The following PTPRF variants were observed in gnomAD, a reference collection of about 807,000 sequenced individuals.
PTPRF encodes the protein protein tyrosine phosphatase receptor type F, also known as receptor-type tyrosine-protein phosphatase F.
In PTPRF, 59 loss-of-function variants were observed where a neutral mutation model predicts 201.8. That is an observed-to-expected ratio of 0.29 (90% CI 0.24 to 0.36). The LOEUF is 0.36. Ranked by LOEUF, PTPRF falls within the 10% of genes least tolerant of loss-of-function variation. PTPRF has a pLI of 1.00. For synonymous variants in PTPRF, 1,088 were observed against 1,089.7 expected (o/e 1.00, Z 0.03); for missense variants, 2,132 against 2,690.5 (o/e 0.79, Z 4.59).
chr1:43,570,414 G>A (rs1887402), intron 6 of PTPRF, among the ~76,000 whole-genome samples: 47,948 of 152,228 alleles, frequency 0.31, 7,925 homozygotes, highest in Non-Finnish European at 0.37. Context: ...CAGAGCAGGC[G>A]GGAAAAGAGG....
At position 43,619,123 on chromosome 1, in the gene PTPRF, C is replaced by A; in HGVS notation, c.4567C>A (p.Pro1523Thr). Residue 1523 changes from proline to threonine, a missense_variant, in exon 27 of 34, where the codon CCA (proline) becomes ACA (threonine). By Grantham distance (38) the Pro-to-Thr change is conservative. Transcript: ENST00000359947. ...GCCAGACCATGGAGTTCCTGAGTAC[C>A]CAACTCCCATCCTGGCCTTCCTACG... ...AWPDHGVPEY[P>T]TPILAFLRRV... is the part of the protein sequence containing the mutation. The A allele has an allele frequency of 6.2e-7, 1 of 1,613,926 alleles. No individual in the cohort carries two copies. Among genetic ancestry groups the A allele is most frequent in the Non-Finnish European group, 8.5e-7 (1 of 1,179,958 alleles).
upstream of PTPRF, among the ~76,000 whole-genome samples, chr1:43,525,879 C>A (rs1335275724): frequency 1.4e-5 from 2 of 143,952 alleles, no homozygotes; most frequent in African/African-American, 5.2e-5. Context: ...GGTTGGGGAG[C>A]GAGCAGGAGA....
At position 43,622,143 on chromosome 1, in the gene PTPRF, T is replaced by G; in HGVS notation, c.*140T>G. The G allele has an allele frequency of 1.1e-6, 1 of 884,788 alleles. No homozygotes were observed. The highest frequency in any genetic ancestry group is 1.8e-6 in the Non-Finnish European group (1 of 565,046). 54.8% of individuals were successfully genotyped at this position (884,788 alleles called of 1,614,324 possible). On this transcript the variant is annotated 3_prime_UTR_variant, in exon 34 of 34. Transcript: ENST00000359947. The stretch of plus-strand genomic sequence containing the variant: ...AGCACAGCCCACGGGGATCACAGCG[T>G]TTCAGGAACGTTGCCACACCAATCA...
rs139338211 is a variant in PTPRF, at chr1:43,556,906, G to T, written c.379+2965G>T. ...ATGCAGCTCCACTGCCTGCTCCCAC[G>T]GGGGGACATACCTGTGCAATAGGAA... On this transcript the variant is annotated intron_variant, in intron 5 of 33. Coordinates refer to ENST00000359947, the MANE Select transcript of PTPRF (RefSeq NM_002840.5). Among the ~76,000 whole-genome samples the T allele has an allele frequency of 7.1e-3, 1,082 of 152,314 alleles. 10 individuals carry two copies. Among genetic ancestry groups the T allele is most frequent in the African/African-American group, 0.025 (1,035 of 41,560 alleles).
At chr1:43,583,932 C>G (rs1648430455) in intron 7 of PTPRF, among the ~76,000 whole-genome samples, 1 of 152,182 alleles carries the variant, frequency 6.6e-6, no homozygotes, top group South Asian at 2.1e-4. Flanking sequence ...CATTCAGACT[C>G]AAGTTGCTTC....
At chr1:43,615,817 T>C (rs1006674333) in intron 23 of PTPRF, among the ~76,000 whole-genome samples, 4 of 152,016 alleles carry the variant, frequency 2.6e-5, no homozygotes, top group Non-Finnish European at 4.4e-5. Context: ...CCGCCCACCT[T>C]GGCCTCCCAA....
At chr1:43,616,055 C>CAA (rs1395913106) in intron 23 of PTPRF, among the ~76,000 whole-genome samples, 1 of 151,924 alleles carries the variant, frequency 6.6e-6, no homozygotes, top group Non-Finnish European at 1.5e-5. Flanking sequence ...GACAGGCGTG[C>CAA]AAAAGGTGGG....
intron 6 of PTPRF, among the ~76,000 whole-genome samples, chr1:43,576,335 G>A (rs532861572): frequency 3.9e-5 from 6 of 152,290 alleles, no homozygotes; most frequent in Admixed American, 3.3e-4. Context: ...GTCTCTTTTG[G>A]GGGGACCTCA....
Position 43,592,567 on chromosome 1 carries a change from C to T in PTPRF, c.1779C>T (p.Phe593=), listed in dbSNP as rs769358679. ...AARSDMGVGV[F]TPTIEARTAQ... ...GCTCGGATATGGGGGTGGGCGTCTT[C>T]ACCCCCACCATTGAGGCCCGCACAG... The change falls in exon 11 of 34, where the codon TTC becomes TTT. Residue 593 remains phenylalanine (F), a synonymous_variant. Coordinates refer to ENST00000359947, the MANE Select transcript of PTPRF (RefSeq NM_002840.5). The T allele has an allele frequency of 6.2e-7, 1 of 1,607,818 alleles. No homozygotes were observed. Among genetic ancestry groups the T allele is most frequent in the Non-Finnish European group, 8.5e-7 (1 of 1,177,772 alleles).
upstream of PTPRF, among the ~76,000 whole-genome samples, chr1:43,529,708 C>T (rs1643288360): frequency 6.6e-6 from 1 of 151,750 alleles, no homozygotes; most frequent in African/African-American, 2.4e-5. Flanking sequence ...ACACGGATTG[C>T]GTGGGGGCGG....
In PTPRF at chr1:43,623,422, G is replaced by C. The variant is rs1331544199; in HGVS notation, c.*1419G>C. The C allele has an allele frequency of 6.6e-6, 1 of 152,620 alleles. No homozygotes were observed. The highest frequency in any genetic ancestry group is 1.9e-4 in the East Asian group (1 of 5,192). The allele number at this position is 152,620 out of a possible 1,614,324, so 9.5% of individuals were successfully genotyped here. On this transcript the variant is annotated 3_prime_UTR_variant, in exon 34 of 34. Transcript: ENST00000359947. ...TAGATAGGTAAGTGGGGGCGGGGAA[G>C]GGTGCATAGCTGTTTTAGCTGAGGG...
intron 5 of PTPRF, among the ~76,000 whole-genome samples, chr1:43,566,165 G>A (rs111731467): frequency 6.6e-6 from 1 of 152,160 alleles, no homozygotes; most frequent in African/African-American, 2.4e-5. Context: ...CGGCCCTCTC[G>A]CGCGCGGGGT....
intron 31 of PTPRF, 53 bp downstream of exon 31, chr1:43,620,632 G>A: frequency 1.3e-6 from 2 of 1,594,526 alleles, no homozygotes; most frequent in Non-Finnish European, 1.7e-6. Context: ...CACGCTGGGT[G>A]GATGGCTGCC....
Position 43,603,735 on chromosome 1 carries a change from C to A in PTPRF, c.2583C>A (p.Asp861Glu), listed in dbSNP as rs1168878964. 1.9e-6 allele frequency: 3 copies of A among 1,613,780 alleles called. No individual in the cohort carries two copies. The highest frequency in any genetic ancestry group is 2.5e-6 in the Non-Finnish European group (3 of 1,180,030). Residue 861 changes from aspartate to glutamate, a missense_variant, in exon 16 of 34, where the codon GAC becomes GAA. By Grantham distance (45) the Asp-to-Glu change is conservative. Coordinates refer to ENST00000359947, the MANE Select transcript of PTPRF (RefSeq NM_002840.5). The surrounding 1 kb of genome is among the most constrained non-coding windows in gnomAD (Gnocchi z 5.8). ...LGYRLQYCRA[D>E]EARPNTIDFG... ...ACCGGCTGCAGTACTGCCGGGCCGA[C>A]GAGGCGCGGCCCAACACCATAGATT... is the stretch of plus-strand genomic sequence containing the variant.
At chr1:43,606,118 G>A in intron 19 of PTPRF, 122 bp from the exon 20 acceptor site, 1 of 1,077,492 alleles carries the variant, frequency 9.3e-7, no homozygotes, top group South Asian at 1.6e-5. Flanking sequence ...GGGCAGGTGT[G>A]GGCTCTGACA....
intron 2 of PTPRF, among the ~76,000 whole-genome samples, chr1:43,540,417 T>G (rs2153957987): frequency 6.6e-6 from 1 of 152,138 alleles, no homozygotes; most frequent in South Asian, 2.1e-4. Flanking sequence ...GAAGGACATT[T>G]TTTTCCAATA....
At chr1:43,611,436 G>T (rs1403082807) in intron 22 of PTPRF, among the ~76,000 whole-genome samples, 1 of 152,190 alleles carries the variant, frequency 6.6e-6, no homozygotes, top group African/African-American at 2.4e-5. Flanking sequence ...GCACCTGAGG[G>T]TTTCTGCAGC....
intron 1 of PTPRF, among the ~76,000 whole-genome samples, chr1:43,535,254 G>A (rs1241363516): frequency 6.6e-6 from 1 of 152,290 alleles, no homozygotes; most frequent in African/African-American, 2.4e-5. Flanking sequence ...ACCTTCAGGT[G>A]GGTGGGCTTG....
chr1:43,522,370 T>G (rs1408592601), upstream of PTPRF, among the ~76,000 whole-genome samples: 1 of 152,160 alleles, frequency 6.6e-6, no homozygotes, highest in African/African-American at 2.4e-5. Flanking sequence ...TCCTAGTGAC[T>G]GTTCGTTTTT....
Sources: allele counts gnomAD v4.1 joint callset (sites outside exome capture counted in the v4.1 genomes callset), GRCh38; gene constraint gnomAD v4.1.1; non-coding constraint Gnocchi (gnomAD v3.1); transcripts MANE v1.5; gene names NCBI Gene and HGNC (gene_info 2026-07-23, HGNC 2026-07-21).